The following JMJD1C variants were observed in gnomAD, a reference collection of about 807,000 sequenced individuals.
JMJD1C encodes the protein jumonji domain-containing protein 1C.
Under a neutral mutation model 245.3 loss-of-function variants are expected in JMJD1C, and 31 were observed. That is an observed-to-expected ratio of 0.13 (90% CI 0.09 to 0.17). JMJD1C has a LOEUF of 0.17. Ranked by LOEUF, JMJD1C falls within the 10% of genes least tolerant of loss-of-function variation. JMJD1C has a pLI of 1.00. For missense variants in JMJD1C, 2,691 were observed against 3,000.2 expected, an observed-to-expected ratio of 0.90 and a Z score of 2.41; for synonymous variants, 1,057 against 1,017.4, an observed-to-expected ratio of 1.04 and a Z score of -0.74.
At chr10:63,217,371 G>A (rs1589179216) in intron 4 of JMJD1C, 40 bp from the exon 5 acceptor site, 1 of 1,490,506 alleles carries the variant, frequency 6.7e-7, no homozygotes. Context: ...CTTAAATGGA[G>A]ACATCTTCAT....
chr10:63,238,248 G>C (rs1851027605), intron 3 of JMJD1C, among the ~76,000 whole-genome samples: 1 of 149,636 alleles, frequency 6.7e-6, no homozygotes. Flanking sequence ...TAATAGAAAA[G>C]CACATTAGCC....
intron 2 of JMJD1C, among the ~76,000 whole-genome samples, chr10:63,353,523 T>C (rs1017242859): frequency 6.6e-6 from 1 of 152,194 alleles, no homozygotes; most frequent in Admixed American, 6.5e-5. Context: ...GGAATCTTTT[T>C]TGTTTTTTGG....
intron 1 of JMJD1C, 52 bp downstream of exon 1, chr10:63,465,443 G>A (rs1953159732): frequency 2.6e-6 from 4 of 1,511,036 alleles, no homozygotes; most frequent in East Asian, 2.3e-5. Flanking sequence ...GTACGTCTGC[G>A]AGAGCCGGGT....
intron 3 of JMJD1C, chr10:63,223,170 A>G (rs1848814080): frequency 1.8e-6 from 1 of 569,906 alleles, no homozygotes; most frequent in Non-Finnish European, 3.1e-6. Context: ...ACTTCCATAC[A>G]TAACCATCCA....
intron 19 of JMJD1C, 133 bp downstream of exon 19, chr10:63,186,082 C>T (rs1844097591): frequency 2.8e-6 from 2 of 714,262 alleles, no homozygotes; most frequent in Admixed American, 3.0e-5. Flanking sequence ...ATTTTGTTTC[C>T]AATTACTTGT....
At chr10:63,478,532 A>G (rs535281086) in intron 1 of JMJD1C, among the ~76,000 whole-genome samples, 98 of 152,250 alleles carry the variant, frequency 6.4e-4, no homozygotes, top group Non-Finnish European at 1.2e-3. Context: ...AGAGACTCAT[A>G]AAACTCAAAA....
At chr10:63,175,359 CAT>C (rs1842784146) in intron 24 of JMJD1C, among the ~76,000 whole-genome samples, 1 of 152,058 alleles carries the variant, frequency 6.6e-6, no homozygotes, top group Admixed American at 6.5e-5. Flanking sequence ...AGGAAATTAT[CAT>C]AGAGAAAAAG....
chr10:63,226,607 C>T (rs1197149256), intron 3 of JMJD1C, among the ~76,000 whole-genome samples: 1 of 147,534 alleles, frequency 6.8e-6, no homozygotes, highest in Non-Finnish European at 1.5e-5. Flanking sequence ...CCCAACTACT[C>T]GGGAGGCTGA....
intron 1 of JMJD1C, among the ~76,000 whole-genome samples, chr10:63,457,394 T>C (rs867494016): frequency 3.3e-5 from 5 of 152,112 alleles, no homozygotes; most frequent in African/African-American, 1.2e-4. Flanking sequence ...ACACGGGACA[T>C]TCATGTAAAG....
At chr10:63,242,183 T>G (rs184388609) in intron 3 of JMJD1C, among the ~76,000 whole-genome samples, 1 of 152,278 alleles carries the variant, frequency 6.6e-6, no homozygotes, top group East Asian at 1.9e-4. Context: ...AATACAATGG[T>G]ACCAAAATAC....
chr10:63,444,712 G>A (rs994748999), intron 1 of JMJD1C, among the ~76,000 whole-genome samples: 9 of 144,404 alleles, frequency 6.2e-5, no homozygotes, highest in African/African-American at 1.8e-4. Context: ...TGCAACCTCC[G>A]CCTCCTGAGT....
intron 1 of JMJD1C, among the ~76,000 whole-genome samples, chr10:63,514,521 G>A (rs1422649248): frequency 6.6e-6 from 1 of 152,118 alleles, no homozygotes; most frequent in African/African-American, 2.4e-5. Context: ...GCAAATTAAG[G>A]TAGGAACAGA....
chr10:63,245,574 C>A (rs1444106522), intron 3 of JMJD1C, among the ~76,000 whole-genome samples: 1 of 149,632 alleles, frequency 6.7e-6, no homozygotes, highest in Non-Finnish European at 1.5e-5. Flanking sequence ...TCTCTGCCTC[C>A]CAGGTTCAAG....
intron 1 of JMJD1C, among the ~76,000 whole-genome samples, chr10:63,448,038 T>G (rs1330243813): frequency 6.6e-6 from 1 of 152,172 alleles, no homozygotes; most frequent in Non-Finnish European, 1.5e-5. Flanking sequence ...TTGTCCTATG[T>G]AAAAATAAAA....
intron 2 of JMJD1C, chr10:63,372,869 T>C (rs766116424): frequency 1.8e-5 from 3 of 168,516 alleles, no homozygotes. Flanking sequence ...AGGATGGTTA[T>C]ATAGGAGCAC....
intron 2 of JMJD1C, among the ~76,000 whole-genome samples, chr10:63,362,235 T>TA (rs10637662): frequency 0.19 from 24,760 of 131,090 alleles, 2,535 homozygotes; most frequent in South Asian, 0.35. Flanking sequence ...ACTGCATCTC[T>TA]AAAAAAAAAA....
chr10:63,337,624 A>AGAAG, intron 2 of JMJD1C, among the ~76,000 whole-genome samples: 1 of 60,224 alleles, frequency 1.7e-5, no homozygotes, highest in Middle Eastern at 7.5e-3. Context: ...AAAAGAAAAG[A>AGAAG]AAAAGAAAAG....
chr10:63,330,618 C>T (rs115485527), intron 2 of JMJD1C, among the ~76,000 whole-genome samples: 81 of 152,148 alleles, frequency 5.3e-4, no homozygotes, highest in African/African-American at 1.9e-3. Flanking sequence ...TCCTACTCTC[C>T]TATTATCATT....
At chr10:63,447,870 C>T (rs1231215939) in intron 1 of JMJD1C, among the ~76,000 whole-genome samples, 3 of 151,664 alleles carry the variant, frequency 2.0e-5, no homozygotes, top group Non-Finnish European at 4.4e-5. Context: ...ACCCAGGAGG[C>T]AAAGGTTGCA....
Sources: allele counts gnomAD v4.1 joint callset (sites outside exome capture counted in the v4.1 genomes callset), GRCh38; gene constraint gnomAD v4.1.1; transcripts MANE v1.5; gene names NCBI Gene and HGNC (gene_info 2026-07-23, HGNC 2026-07-21).